CLASP1: variants seen among roughly 807,000 people sequenced by gnomAD.
CLASP1 encodes the protein CLIP-associating protein 1.
Under a neutral mutation model 192.3 loss-of-function variants are expected in CLASP1, and 38 were observed. That is an observed-to-expected ratio of 0.20 (90% confidence interval 0.15 to 0.26). The LOEUF (loss-of-function observed/expected upper bound fraction) is 0.26. Ranked by LOEUF, CLASP1 falls within the 10% of genes least tolerant of loss-of-function variation. CLASP1 has a pLI of 1.00. For synonymous variants in CLASP1, 691 were observed against 712.8 expected (o/e 0.97, Z 0.49); for missense variants, 1,433 against 1,932.5 (o/e 0.74, Z 4.85).
intron 37 of CLASP1, among the ~76,000 whole-genome samples, chr2:121,349,202 C>T (rs780788729): frequency 1.7e-4 from 25 of 151,282 alleles, no homozygotes; most frequent in Non-Finnish European, 2.2e-4. Context: ...ATCGCGCCAC[C>T]GCACTCCAGC....
At chr2:121,434,422 G>A (rs2081969991) in intron 19 of CLASP1, among the ~76,000 whole-genome samples, 1 of 151,718 alleles carries the variant, frequency 6.6e-6, no homozygotes, top group African/African-American at 2.4e-5. Context: ...ATGTCACCAC[G>A]CCATATTAAT....
Position 121,492,318 on chromosome 2 carries a change from G to A in CLASP1, c.712+10849C>T, listed in dbSNP as rs1397646018. On this transcript the variant is annotated intron_variant, in intron 8 of 39. Coordinates refer to ENST00000263710, the Ensembl canonical transcript of CLASP1. ...GCAGTAGAATGGTGAGAACCCGGGA[G>A]GCGGAGCTTGCAGTGAGCCGAGGTC... is the stretch of plus-strand genomic sequence containing the variant. Among the ~76,000 whole-genome samples the A allele has an allele frequency of 2.7e-5, 4 of 150,228 alleles. No homozygotes were observed. In the East Asian group the frequency reaches 7.8e-4, roughly 29 times the overall value.
chr2:121,476,191 T>C (rs2091586484), intron 8 of CLASP1, among the ~76,000 whole-genome samples: 1 of 152,192 alleles, frequency 6.6e-6, no homozygotes, highest in Non-Finnish European at 1.5e-5. Context: ...GGTCTACTAC[T>C]GAGGTCCAGA....
chr2:121,357,394 C>A (rs145972655), intron 37 of CLASP1, among the ~76,000 whole-genome samples: 1 of 152,100 alleles, frequency 6.6e-6, no homozygotes, highest in South Asian at 2.1e-4. Flanking sequence ...AGCCTCTCAG[C>A]GCAGGGTATA....
At chr2:121,481,083 C>T (rs2092561806) in intron 8 of CLASP1, among the ~76,000 whole-genome samples, 1 of 152,108 alleles carries the variant, frequency 6.6e-6, no homozygotes, top group Non-Finnish European at 1.5e-5. Context: ...GCTGGCAACC[C>T]AAAGCATCTC....
intron 8 of CLASP1, among the ~76,000 whole-genome samples, chr2:121,498,244 C>A (rs561430480): frequency 4.7e-4 from 68 of 143,216 alleles, no homozygotes; most frequent in African/African-American, 1.8e-3. Flanking sequence ...CACGACCAGG[C>A]TGGAGCGCAG....
At chr2:121,379,163 ATG>A (rs2070999685) in intron 33 of CLASP1, among the ~76,000 whole-genome samples, 1 of 151,504 alleles carries the variant, frequency 6.6e-6, no homozygotes. Context: ...AATTGCAAAT[ATG>A]GCCCAGATAA....
chr2:121,494,706 C>T (rs115949631), intron 8 of CLASP1, among the ~76,000 whole-genome samples: 3,357 of 152,224 alleles, frequency 0.022, 118 homozygotes, highest in African/African-American at 0.077. Context: ...TAAATATATA[C>T]AACTGATATG....
chr2:121,476,235 G>A (rs944702556), intron 8 of CLASP1, among the ~76,000 whole-genome samples: 1 of 152,162 alleles, frequency 6.6e-6, no homozygotes, highest in African/African-American at 2.4e-5. Flanking sequence ...GCCAGGGCCA[G>A]CACTAGGAGG....
At chr2:121,505,048 C>T (rs1253906798) in intron 7 of CLASP1, 3 of 152,184 alleles carry the variant, frequency 2.0e-5, no homozygotes, top group African/African-American at 7.2e-5. Context: ...GCTTGACAAA[C>T]TCATAAATAA....
At chr2:121,599,701 A>G (rs1474092687) in intron 2 of CLASP1, among the ~76,000 whole-genome samples, 1 of 151,292 alleles carries the variant, frequency 6.6e-6, no homozygotes, top group African/African-American at 2.4e-5. Context: ...GGATCACTGG[A>G]GGTCATGAGT....
At chr2:121,383,691 CT>C (rs571212201) in intron 32 of CLASP1, among the ~76,000 whole-genome samples, 6 of 149,926 alleles carry the variant, frequency 4.0e-5, no homozygotes, top group Admixed American at 3.3e-4. Context: ...CCACCATATA[CT>C]TTTTTTTTTC....
intron 8 of CLASP1, among the ~76,000 whole-genome samples, chr2:121,486,653 A>C (rs1044569762): frequency 3.9e-5 from 6 of 152,224 alleles, no homozygotes; most frequent in South Asian, 2.1e-4. Context: ...GCACAAAAGT[A>C]AGTCAGTTGG....
intron 8 of CLASP1, among the ~76,000 whole-genome samples, chr2:121,478,348 C>G (rs923976992): frequency 6.6e-6 from 1 of 152,166 alleles, no homozygotes; most frequent in Admixed American, 6.5e-5. Context: ...CATCTGTAAT[C>G]CCAGCACTTT....
chr2:121,510,939 C>T (rs1247417025), intron 7 of CLASP1, among the ~76,000 whole-genome samples: 1 of 152,024 alleles, frequency 6.6e-6, no homozygotes, highest in Non-Finnish European at 1.5e-5. Context: ...GAAGCAAAGA[C>T]CCAGGATGAC....
chr2:121,396,298 T>G (rs1205136895), intron 30 of CLASP1, among the ~76,000 whole-genome samples: 1 of 152,162 alleles, frequency 6.6e-6, no homozygotes, highest in African/African-American at 2.4e-5. Flanking sequence ...CCAGTGGAGA[T>G]AAAGCTTTGC....
intron 2 of CLASP1, among the ~76,000 whole-genome samples, chr2:121,569,951 TC>T (rs2059840806): frequency 6.6e-6 from 1 of 152,228 alleles, no homozygotes; most frequent in Non-Finnish European, 1.5e-5. Context: ...GAGTGCAGAC[TC>T]TGGACTAGAT....
intron 2 of CLASP1, among the ~76,000 whole-genome samples, chr2:121,558,897 T>A (rs151092891): frequency 6.6e-6 from 1 of 152,324 alleles, no homozygotes; most frequent in East Asian, 1.9e-4. Flanking sequence ...GAATGTTTCA[T>A]AAGAATGACC....
intron 2 of CLASP1, among the ~76,000 whole-genome samples, chr2:121,581,953 C>T (rs1363151643): frequency 2.0e-5 from 3 of 152,002 alleles, no homozygotes; most frequent in East Asian, 1.9e-4. Context: ...GAGGCCCAGG[C>T]GGGCGGATCA....
Sources: gnomAD v4.1 joint callset for allele counts (sites outside exome capture counted in the v4.1 genomes callset) on GRCh38, gnomAD v4.1.1 for gene constraint, MANE v1.5 for transcripts, NCBI Gene and HGNC (gene_info 2026-07-23, HGNC 2026-07-21) for gene names.